Variants in PIGU observed in about 807,000 individuals in gnomAD.
PIGU encodes the protein GPI-anchor transamidase component PIGU.
In PIGU, 24 loss-of-function variants were observed where a neutral mutation model predicts 49.9. That is an observed-to-expected ratio of 0.48 (90% CI 0.35 to 0.68). PIGU has a LOEUF of 0.68. PIGU is among the 30% of genes least tolerant of loss of function. PIGU has a pLI of 0.01. For missense variants in PIGU, 490 were observed against 532.6 expected, an observed-to-expected ratio of 0.92 and a Z score of 0.79; for synonymous variants, 220 against 205.7, an observed-to-expected ratio of 1.07 and a Z score of -0.59.
chr20:34,577,623 C>T (rs904707888), intron 10 of PIGU, among the ~76,000 whole-genome samples: 8 of 152,018 alleles, frequency 5.3e-5, no homozygotes, highest in Non-Finnish European at 8.8e-5. Flanking sequence ...GGCTGAGGCA[C>T]GAGAATTGCT....
At chr20:34,586,281 G>A (rs1239788691) in intron 8 of PIGU, among the ~76,000 whole-genome samples, 1 of 152,188 alleles carries the variant, frequency 6.6e-6, no homozygotes, top group African/African-American at 2.4e-5. Flanking sequence ...AATAGGGCAC[G>A]CAGAGGGAGA....
intron 7 of PIGU, among the ~76,000 whole-genome samples, chr20:34,609,051 G>A (rs571396526): frequency 2.0e-4 from 30 of 152,166 alleles, no homozygotes; most frequent in South Asian, 1.0e-3. Context: ...AGGCTGAGGC[G>A]GGAGGATTGC....
chr20:34,637,942 G>T lies in PIGU; in HGVS notation c.362C>A (p.Pro121Gln). 6.2e-7 allele frequency: 1 copy of T among 1,604,584 alleles called. No individual in the cohort carries two copies. The highest frequency in any genetic ancestry group is 1.7e-5 in the Admixed American group (1 of 57,948). The change falls in exon 5 of 12, where the codon CCA (proline) becomes CAA (glutamine). Residue 121 changes from proline to glutamine, a missense_variant. Transcript: ENST00000217446. ...GGTCCGGATGAGTTCGGCCACATCT[G>T]GGGCATACTGGTCCAGTTCTAGGAG... The part of the protein sequence containing the change: ...KLLLELDQYA[P>Q]DVAELIRTPM...
chr20:34,602,001 G>A (rs887325449), intron 7 of PIGU, among the ~76,000 whole-genome samples: 3 of 152,226 alleles, frequency 2.0e-5, no homozygotes, highest in Non-Finnish European at 2.9e-5. Context: ...GTATGTATGG[G>A]CTGGGTATGG....
intron 9 of PIGU, among the ~76,000 whole-genome samples, chr20:34,582,551 A>G (rs1165294263): frequency 6.6e-6 from 1 of 152,034 alleles, no homozygotes; most frequent in African/African-American, 2.4e-5. Flanking sequence ...GTGGTGGCAT[A>G]TGGCTGTAAT....
At chr20:34,571,123 G>C (rs774216346) in intron 11 of PIGU, among the ~76,000 whole-genome samples, 1 of 152,136 alleles carries the variant, frequency 6.6e-6, no homozygotes, top group Non-Finnish European at 1.5e-5. Context: ...TTGAGGAAGT[G>C]GGGGAGGCCC....
intron 6 of PIGU, among the ~76,000 whole-genome samples, chr20:34,619,038 T>C (rs1985112595): frequency 6.6e-6 from 1 of 152,220 alleles, no homozygotes. Context: ...GAACTTTGTG[T>C]GCTTTATTCT....
intron 11 of PIGU, among the ~76,000 whole-genome samples, chr20:34,563,342 C>A (rs962001374): frequency 6.6e-6 from 1 of 152,126 alleles, no homozygotes; most frequent in South Asian, 2.1e-4. Flanking sequence ...CCGAAGCAGG[C>A]GGATCACCTG....
At chr20:34,575,013 C>A (rs1983164748) in intron 11 of PIGU, 91 bp downstream of exon 11, 3 of 1,506,858 alleles carry the variant, frequency 2.0e-6, no homozygotes, top group Non-Finnish European at 1.8e-6. Flanking sequence ...TCTGCACCCC[C>A]CGGTATGCAG....
chr20:34,564,002 T>C (rs11699166), intron 11 of PIGU, among the ~76,000 whole-genome samples: 21 of 152,206 alleles, frequency 1.4e-4, no homozygotes, highest in African/African-American at 4.8e-4. Context: ...CAAACCTAAA[T>C]TGGGTGACAT....
rs1982442690 is a variant in PIGU, at chr20:34,560,652, A to AAGGT, written c.*210_*213dup. Reference sequence around the variant, plus strand: ...GGGGCTCCTTGGTGTGCAGAGCCACAAGGTGGGGGTCCAAGTTGGGGAGCT... The same window carrying AAGGT: ...GGGGCTCCTTGGTGTGCAGAGCCACAAGGTAGGTGGGGGTCCAAGTTGGGGAGCT... On this transcript the variant is annotated 3_prime_UTR_variant, in exon 12 of 12. Coordinates refer to ENST00000217446, the MANE Select transcript of PIGU (RefSeq NM_080476.5). 4.4e-6 allele frequency: 2 copies of AAGGT among 458,616 alleles called. No homozygotes were observed. Among genetic ancestry groups the AAGGT allele is most frequent in the Admixed American group, 8.1e-5 (2 of 24,778 alleles). The allele number at this position is 458,616 out of a possible 1,614,324, so 28.4% of individuals were successfully genotyped here.
Position 34,677,056 on chromosome 20 carries a change from C to T in PIGU, c.30G>A (p.Val10=). The part of the protein sequence containing the change: MAAPLVLVL[V]VAVTVRAALF... ...AGGCCGCCCGCACTGTCACAGCCAC[C>T]ACCAGCACCAGGACCAAGGGAGCCG... Residue 10 remains valine (V), a synonymous_variant, in exon 1 of 12, where the codon GTG becomes GTA. Transcript: ENST00000217446. 6.4e-7 allele frequency: 1 copy of T among 1,571,002 alleles called. No homozygotes were observed. Among genetic ancestry groups the T allele is most frequent in the Middle Eastern group, 1.7e-4 (1 of 5,936 alleles).
Position 34,654,201 on chromosome 20 carries a change from G to A in PIGU, c.195+2979C>T, listed in dbSNP as rs1476017714. Among the ~76,000 whole-genome samples, 5 of 98,544 alleles carry A rather than the reference G, an allele frequency of 5.1e-5. 1 individual carries two copies. Among genetic ancestry groups the A allele is most frequent in the Non-Finnish European group, 1.1e-4 (5 of 47,416 alleles). 64.6% of individuals were successfully genotyped at this position (98,544 alleles called of 152,430 possible). A position where few individuals can be genotyped will look rare whatever the true frequency, so the allele number is the denominator to read the frequency against. On this transcript the variant is annotated intron_variant, in intron 2 of 11. Coordinates refer to ENST00000217446, the MANE Select transcript of PIGU (RefSeq NM_080476.5). The stretch of plus-strand genomic sequence containing the variant: ...CTCTTGGCCGGGCACGGTGGCTCAC[G>A]CCTGTAATCCTAGCACTTTGGGAGG...
intron 7 of PIGU, among the ~76,000 whole-genome samples, chr20:34,609,163 C>T (rs1224479374): frequency 6.6e-6 from 1 of 151,984 alleles, no homozygotes; most frequent in African/African-American, 2.4e-5. Flanking sequence ...AAAAAACAAG[C>T]CAGCCATGGT....
At position 34,649,388 on chromosome 20, in the gene PIGU, C is replaced by CT. The variant is rs55819405; in HGVS notation, c.196-4055dup. On this transcript the variant is annotated intron_variant, in intron 2 of 11. Coordinates refer to ENST00000217446, the MANE Select transcript of PIGU (RefSeq NM_080476.5). Reference sequence around the variant, plus strand: ...GTTTTACTAAGTTTCAGATCTCTTACTTTTTTTTTTTTTTTCTGTGTTTTC... The same window carrying CT: ...GTTTTACTAAGTTTCAGATCTCTTACTTTTTTTTTTTTTTTTCTGTGTTTTC... Among the ~76,000 whole-genome samples the CT allele has an allele frequency of 6.6e-3, 928 of 140,832 alleles. 7 individuals carry two copies. Among genetic ancestry groups the CT allele is most frequent in the East Asian group, 0.017 (82 of 4,830 alleles). 92.4% of individuals were successfully genotyped at this position (140,832 alleles called of 152,430 possible).
chr20:34,586,150 T>G (rs1983691360), intron 8 of PIGU, among the ~76,000 whole-genome samples: 1 of 152,226 alleles, frequency 6.6e-6, no homozygotes, highest in Non-Finnish European at 1.5e-5. Context: ...GGAAAACTTT[T>G]TGTCCAATTA....
chr20:34,634,129 T>C (rs1985882842), intron 6 of PIGU, among the ~76,000 whole-genome samples: 1 of 152,110 alleles, frequency 6.6e-6, no homozygotes, highest in East Asian at 1.9e-4. Flanking sequence ...TGGAGTGCAG[T>C]GGCATGATCA....
chr20:34,593,685 C>T (rs1199320105), intron 7 of PIGU, among the ~76,000 whole-genome samples: 1 of 152,128 alleles, frequency 6.6e-6, no homozygotes, highest in Non-Finnish European at 1.5e-5. Context: ...TTGAATTAGA[C>T]CTATCTCTCA....
rs572630634 is a variant in PIGU at position 34,664,341 on chromosome 20, C to T, written c.131-7097G>A. 5.3e-5 allele frequency among the ~76,000 whole-genome samples: 8 copies of T among 152,236 alleles called. No individual in the cohort carries two copies. The South Asian group carries it at 1.2e-3, about 24-fold the overall frequency. ...AATTTTTAAATTTTTTTTGTAGAAA[C>T]GGGCTCTTGCTATATTGCCCAGGCT... On this transcript the variant is annotated intron_variant, in intron 1 of 11. Transcript: ENST00000217446.
Sources: gnomAD v4.1 joint callset for allele counts (sites outside exome capture counted in the v4.1 genomes callset) on GRCh38, gnomAD v4.1.1 for gene constraint, MANE v1.5 for transcripts, NCBI Gene and HGNC (gene_info 2026-07-23, HGNC 2026-07-21) for gene names.